Variants in FOCAD observed in about 807,000 individuals in gnomAD.
The protein encoded by FOCAD is KIAA1797.
FOCAD carries 198 observed loss-of-function variants against 225.6 expected under a neutral mutation model. The ratio of observed to expected loss-of-function variants is 0.88; its 90% confidence interval spans 0.78 to 0.99. The LOEUF is 0.99. Ranked by LOEUF, FOCAD falls within the 50% of genes least tolerant of loss-of-function variation. The probability of loss-of-function intolerance (pLI) is 0.00; values close to 1 mark genes in which losing one functional copy is unlikely to be tolerated. For missense variants in FOCAD, 2,713 were observed against 2,123.6 expected, an observed-to-expected ratio of 1.28 and a Z score of -5.46; for synonymous variants, 897 against 755.0, an observed-to-expected ratio of 1.19 and a Z score of -3.08.
intron 7 of FOCAD, 96 bp from the exon 8 acceptor site, chr9:20,769,936 G>A: frequency 8.9e-7 from 1 of 1,122,646 alleles, no homozygotes; most frequent in Non-Finnish European, 1.3e-6. Context: ...TATAGGTTTA[G>A]AGAAAAAATT....
At chr9:20,811,999 A>G (rs564289729) in intron 11 of FOCAD, among the ~76,000 whole-genome samples, 1 of 152,220 alleles carries the variant, frequency 6.6e-6, no homozygotes, top group African/African-American at 2.4e-5. Flanking sequence ...AATGGCAAAC[A>G]CACTTGTATA....
At chr9:20,853,994 T>C (rs1018652478) in intron 15 of FOCAD, among the ~76,000 whole-genome samples, 4 of 151,786 alleles carry the variant, frequency 2.6e-5, no homozygotes, top group African/African-American at 9.7e-5. Flanking sequence ...GTGTGCTGAA[T>C]TAGCTTAAGA....
At chr9:20,683,153 T>G (rs1358365491), upstream of FOCAD, among the ~76,000 whole-genome samples, 1 of 152,178 alleles carries the variant, frequency 6.6e-6, no homozygotes. Flanking sequence ...ATAATTACTT[T>G]TCTGAGGTGA....
intron 35 of FOCAD, among the ~76,000 whole-genome samples, chr9:20,962,591 C>G (rs1478310802): frequency 6.6e-6 from 1 of 152,140 alleles, no homozygotes; most frequent in Non-Finnish European, 1.5e-5. Flanking sequence ...TGTTGCCAGA[C>G]TTTTACTCTA....
chr9:20,754,285 A>G (rs1236972026), intron 5 of FOCAD, among the ~76,000 whole-genome samples: 1 of 152,216 alleles, frequency 6.6e-6, no homozygotes, highest in Admixed American at 6.6e-5. Context: ...TGCTTTAATT[A>G]TAATTTTTTA....
chr9:20,968,835 G>A lies in FOCAD; in HGVS notation c.4133-7585G>A, dbSNP rs1839509661. Among the ~76,000 whole-genome samples the A allele has an allele frequency of 2.6e-5, 4 of 151,892 alleles. 1 individual carries two copies. The East Asian group carries it at 7.8e-4, about 29-fold the overall frequency. On this transcript the variant is annotated intron_variant, in intron 35 of 43. Coordinates refer to ENST00000338382, the MANE Select transcript of FOCAD (RefSeq NM_001375567.1). ...TTTGCTCTTCTTTTTTAAGTTCTTT[G>A]AGGCATAAAGTTAGGGATATTGATT...
At chr9:20,689,029 A>G (rs558385959) in intron 1 of FOCAD, among the ~76,000 whole-genome samples, 3 of 152,342 alleles carry the variant, frequency 2.0e-5, no homozygotes, top group Admixed American at 6.5e-5. Flanking sequence ...TGTGAAGTTT[A>G]GACTGGATAG....
At chr9:20,708,625 T>A (rs1340670877) in intron 1 of FOCAD, among the ~76,000 whole-genome samples, 1 of 151,716 alleles carries the variant, frequency 6.6e-6, no homozygotes, top group Non-Finnish European at 1.5e-5. Flanking sequence ...TTAAAAAAAC[T>A]TTAGCCAGGC....
intron 15 of FOCAD, among the ~76,000 whole-genome samples, chr9:20,823,584 A>G (rs1390296910): frequency 6.6e-6 from 1 of 152,058 alleles, no homozygotes; most frequent in African/African-American, 2.4e-5. Context: ...AAACTTGTAA[A>G]TCATTTTCTG....
chr9:20,866,917 T>TTTTTTTTTTTTTTTAAAAAA lies in FOCAD; in HGVS notation c.2107-12_2107-11insTTTTTTTTTTTTTTAAAAAA. 3 of 764,970 alleles carry TTTTTTTTTTTTTTTAAAAAA rather than the reference T, an allele frequency of 3.9e-6. No individual in the cohort carries two copies. Among genetic ancestry groups the TTTTTTTTTTTTTTTAAAAAA allele is most frequent in the Non-Finnish European group, 6.0e-6 (3 of 498,468 alleles). 47.4% of individuals were successfully genotyped at this position (764,970 alleles called of 1,614,324 possible). ...TTTTTTTTTTTTTTTTTTTTTTTTT[T>TTTTTTTTTTTTTTTAAAAAA]ACCCTATCTAGGACCCAATTGTAGC... On this transcript the variant is annotated splice_polypyrimidine_tract_variant and intron_variant, in intron 17 of 43. Transcript: ENST00000338382.
intron 15 of FOCAD, among the ~76,000 whole-genome samples, chr9:20,834,074 G>GA (rs774942235): frequency 4.6e-5 from 7 of 151,986 alleles, no homozygotes; most frequent in Non-Finnish European, 8.8e-5. Context: ...TAGCATATTT[G>GA]AAAAAAACAA....
At chr9:20,831,207 A>C (rs946911755) in intron 15 of FOCAD, among the ~76,000 whole-genome samples, 4 of 152,076 alleles carry the variant, frequency 2.6e-5, no homozygotes, top group African/African-American at 9.7e-5. Context: ...GTCTGTTCCC[A>C]AAGATGTTCA....
chr9:20,660,818 A>T (rs1379833276), intron 2 of FOCAD, among the ~76,000 whole-genome samples: 1 of 152,124 alleles, frequency 6.6e-6, no homozygotes, highest in Non-Finnish European at 1.5e-5. Context: ...GAGAAGTTAG[A>T]AAAAGAGCAT....
chr9:20,924,126 T>C (rs986340990), intron 25 of FOCAD, among the ~76,000 whole-genome samples: 2 of 152,192 alleles, frequency 1.3e-5, no homozygotes, highest in Admixed American at 6.5e-5. Flanking sequence ...CTGAAAAAAA[T>C]GTACTTTGCA....
At chr9:20,726,060 G>A (rs758095461) in intron 4 of FOCAD, among the ~76,000 whole-genome samples, 8 of 152,110 alleles carry the variant, frequency 5.3e-5, no homozygotes, top group Non-Finnish European at 7.4e-5. Context: ...ATCACCAGTC[G>A]AATGTGAATT....
At chr9:20,955,739 CTT>C (rs2132413469) in intron 35 of FOCAD, among the ~76,000 whole-genome samples, 1 of 152,172 alleles carries the variant, frequency 6.6e-6, no homozygotes, top group African/African-American at 2.4e-5. Context: ...TGACTTTTGA[CTT>C]TTACTTTTTT....
chr9:20,783,581 G>C (rs1211848686), intron 10 of FOCAD, among the ~76,000 whole-genome samples: 2 of 140,410 alleles, frequency 1.4e-5, no homozygotes, highest in Admixed American at 1.4e-4. Flanking sequence ...TTTGACTATT[G>C]GATTTTTTTT....
chr9:20,885,324 ATAAT>A, intron 21 of FOCAD, 94 bp downstream of exon 21: 1 of 1,247,396 alleles, frequency 8.0e-7, no homozygotes, highest in Non-Finnish European at 1.0e-6. Flanking sequence ...TTTTTTGATC[ATAAT>A]TAATGTAAGT....
At chr9:20,749,562 C>T (rs1828361097) in intron 5 of FOCAD, among the ~76,000 whole-genome samples, 1 of 152,114 alleles carries the variant, frequency 6.6e-6, no homozygotes, top group African/African-American at 2.4e-5. Flanking sequence ...CCAGCAGTTT[C>T]AAATAAAAAT....
Sources: gnomAD v4.1 joint callset for allele counts (sites outside exome capture counted in the v4.1 genomes callset) on GRCh38, gnomAD v4.1.1 for gene constraint, MANE v1.5 for transcripts, NCBI Gene and HGNC (gene_info 2026-07-23, HGNC 2026-07-21) for gene names.